The following KHDRBS2 variants were observed in gnomAD, a reference collection of about 807,000 sequenced individuals.
KHDRBS2 encodes KH domain-containing, RNA-binding, signal transduction-associated protein 2.
Under a neutral mutation model 44.3 loss-of-function variants are expected in KHDRBS2, and 26 were observed. The ratio of observed to expected loss-of-function variants is 0.59; its 90% confidence interval spans 0.43 to 0.81. The LOEUF (loss-of-function observed/expected upper bound fraction) is 0.81, where lower values mean the gene tolerates loss of function less well. Among genes scored for constraint, KHDRBS2 ranks in the 40% least tolerant of loss-of-function variants. KHDRBS2 has a pLI of 0.00. For synonymous variants in KHDRBS2, 194 were observed against 151.1 expected (o/e 1.28, Z -2.08); for missense variants, 476 against 433.1 (o/e 1.10, Z -0.88).
chr6:61,858,555 T>A (rs1796470477), intron 6 of KHDRBS2, among the ~76,000 whole-genome samples: 1 of 151,974 alleles, frequency 6.6e-6, no homozygotes, highest in Non-Finnish European at 1.5e-5. Context: ...TATTGCAATA[T>A]AAGATCATCT....
At chr6:62,135,728 T>C (rs1811373842) in intron 2 of KHDRBS2, among the ~76,000 whole-genome samples, 1 of 152,060 alleles carries the variant, frequency 6.6e-6, no homozygotes, top group Non-Finnish European at 1.5e-5. Context: ...CAATGGAACA[T>C]TATACAGCCT....
chr6:61,918,042 C>T (rs11757669), intron 4 of KHDRBS2, among the ~76,000 whole-genome samples: 4,903 of 151,884 alleles, frequency 0.032, 92 homozygotes, highest in African/African-American at 0.05. Flanking sequence ...ATCTTTATGG[C>T]GCATCGGCGA....
intron 1 of KHDRBS2, 34 bp downstream of exon 1, chr6:62,285,824 G>A (rs1842409113): frequency 1.3e-6 from 2 of 1,501,266 alleles, no homozygotes; most frequent in Non-Finnish European, 1.8e-6. Flanking sequence ...TAGGCAGCCG[G>A]CGGTTTGTGC....
At chr6:62,161,891 C>G (rs1817735980) in intron 2 of KHDRBS2, among the ~76,000 whole-genome samples, 1 of 151,978 alleles carries the variant, frequency 6.6e-6, no homozygotes, top group Non-Finnish European at 1.5e-5. Context: ...TTCAGTGACA[C>G]ACAAAACTCT....
intron 6 of KHDRBS2, among the ~76,000 whole-genome samples, chr6:61,751,628 T>C (rs1483421500): frequency 1.3e-5 from 2 of 152,120 alleles, no homozygotes; most frequent in African/African-American, 2.4e-5. Context: ...TCTGGAAAAG[T>C]AGGAAGGAGC....
intron 2 of KHDRBS2, among the ~76,000 whole-genome samples, chr6:62,050,415 C>T (rs1788734269): frequency 7.8e-6 from 1 of 127,906 alleles, no homozygotes; most frequent in South Asian, 2.7e-4. Flanking sequence ...CACATGTATC[C>T]CAGAACTTAA....
chr6:61,764,321 G>T (rs182909893), intron 6 of KHDRBS2, among the ~76,000 whole-genome samples: 31 of 152,246 alleles, frequency 2.0e-4, no homozygotes, highest in Middle Eastern at 3.4e-3. Context: ...ATAATAGAAC[G>T]ATTATATTCC....
chr6:62,117,644 C>T (rs78368194), intron 2 of KHDRBS2, among the ~76,000 whole-genome samples: 3 of 152,100 alleles, frequency 2.0e-5, no homozygotes, highest in African/African-American at 7.2e-5. Context: ...CTCCTGTTAC[C>T]TGTGCTTTTG....
At chr6:62,007,992 T>C (rs540656605) in intron 3 of KHDRBS2, among the ~76,000 whole-genome samples, 2 of 152,118 alleles carry the variant, frequency 1.3e-5, no homozygotes, top group Non-Finnish European at 1.5e-5. Context: ...TAAAAAATGA[T>C]ATACAAAATG....
At chr6:62,182,494 G>A (rs1442753317) in intron 1 of KHDRBS2, among the ~76,000 whole-genome samples, 1 of 151,862 alleles carries the variant, frequency 6.6e-6, no homozygotes, top group African/African-American at 2.4e-5. Context: ...TAAATGTAGT[G>A]GGATGAAACT....
At chr6:61,551,213 G>C in the KHDRBS2 span, among the ~76,000 whole-genome samples, 2 of 152,204 alleles carry the variant, frequency 1.3e-5, no homozygotes, top group East Asian at 3.9e-4. Flanking sequence ...CAATGGGGTT[G>C]ATTGTTTTTT....
chr6:61,651,564 C>T, the KHDRBS2 span, among the ~76,000 whole-genome samples: 1 of 151,994 alleles, frequency 6.6e-6, no homozygotes, highest in Non-Finnish European at 1.5e-5. Context: ...ATTAGGTCTG[C>T]TTGGCCTGAA....
intron 2 of KHDRBS2, among the ~76,000 whole-genome samples, chr6:62,176,258 C>A (rs1044454511): frequency 3.3e-5 from 5 of 151,286 alleles, no homozygotes; most frequent in South Asian, 2.1e-4. Flanking sequence ...GCAATAGAGT[C>A]TAGCTCAAAA....
Position 62,123,540 on chromosome 6 carries a change from C to T in KHDRBS2, c.219+53645G>A, listed in dbSNP as rs114159784. ...CATGCCACAAAATGTATCCTGCACCCTTTAATCCTGCCTACTGTTTTGTAA... is the reference window on the plus strand; with the variant it reads ...CATGCCACAAAATGTATCCTGCACCTTTTAATCCTGCCTACTGTTTTGTAA... On this transcript the variant is annotated intron_variant, in intron 2 of 8. Transcript: ENST00000281156. 2.5e-3 allele frequency among the ~76,000 whole-genome samples: 375 copies of T among 152,318 alleles called. 3 individuals are homozygous for T. The highest frequency in any genetic ancestry group is 8.3e-3 in the African/African-American group (344 of 41,574).
At chr6:62,267,306 G>A (rs1038019239) in intron 1 of KHDRBS2, among the ~76,000 whole-genome samples, 1 of 152,012 alleles carries the variant, frequency 6.6e-6, no homozygotes, top group African/African-American at 2.4e-5. Context: ...TGTTCTGTCT[G>A]AAGATTAGAC....
chr6:61,669,368 G>A, the KHDRBS2 span, among the ~76,000 whole-genome samples: 5 of 150,618 alleles, frequency 3.3e-5, no homozygotes, highest in Non-Finnish European at 6.0e-5. Context: ...CAACATCATT[G>A]TAAGGATTCT....
chr6:61,660,779 C>T, the KHDRBS2 span, among the ~76,000 whole-genome samples: 1 of 151,792 alleles, frequency 6.6e-6, no homozygotes, highest in African/African-American at 2.4e-5. Context: ...TTGAACTTCT[C>T]CTCTAATAAA....
the KHDRBS2 span, among the ~76,000 whole-genome samples, chr6:61,553,940 T>A: frequency 6.6e-6 from 1 of 152,116 alleles, no homozygotes; most frequent in Non-Finnish European, 1.5e-5. Context: ...ACTTTTAGAG[T>A]GTGTGCCATG....
the KHDRBS2 span, among the ~76,000 whole-genome samples, chr6:61,561,340 T>A: frequency 6.6e-6 from 1 of 152,130 alleles, no homozygotes; most frequent in African/African-American, 2.4e-5. Context: ...GTACTGAATC[T>A]TACCCAAAGC....
Sources: gnomAD v4.1 joint callset for allele counts (sites outside exome capture counted in the v4.1 genomes callset) on GRCh38, gnomAD v4.1.1 for gene constraint, MANE v1.5 for transcripts, NCBI Gene and HGNC (gene_info 2026-07-23, HGNC 2026-07-21) for gene names.